PTCHD4: variants seen among roughly 807,000 people sequenced by gnomAD.
PTCHD4 encodes patched domain-containing protein 4.
A neutral mutation model predicts 58.1 loss-of-function variants in PTCHD4; 33 were observed. That is an observed-to-expected ratio of 0.57 (90% CI 0.43 to 0.76). The LOEUF is 0.76. Among genes scored for constraint, PTCHD4 ranks in the 30% least tolerant of loss-of-function variants. The pLI is 0.00. For synonymous variants in PTCHD4, 478 were observed against 409.6 expected (o/e 1.17, Z -2.02); for missense variants, 1,058 against 1,027.1 (o/e 1.03, Z -0.41).
intron 4 of PTCHD4, among the ~76,000 whole-genome samples, chr6:47,977,743 AAAAG>A (rs1767748084): frequency 6.6e-6 from 1 of 152,212 alleles, no homozygotes; most frequent in Non-Finnish European, 1.5e-5. Context: ...TTCTGACAAT[AAAAG>A]AATGACATTT....
intron 3 of PTCHD4, among the ~76,000 whole-genome samples, chr6:48,063,039 T>C (rs1181703594): frequency 6.6e-6 from 1 of 152,202 alleles, no homozygotes; most frequent in Non-Finnish European, 1.5e-5. Context: ...GTCTCCTGAA[T>C]ATTTCTCAAT....
chr6:47,909,003 C>T (rs80226280), intron 4 of PTCHD4, among the ~76,000 whole-genome samples: 7,690 of 152,188 alleles, frequency 0.051, 226 homozygotes, highest in East Asian at 0.078. Flanking sequence ...AATGAAATAT[C>T]TAACTACTTA....
At chr6:48,026,255 C>T (rs1389136735) in intron 3 of PTCHD4, among the ~76,000 whole-genome samples, 1 of 152,162 alleles carries the variant, frequency 6.6e-6, no homozygotes, top group Non-Finnish European at 1.5e-5. Context: ...TCCTGGCTGG[C>T]TGTGAGGTTT....
At chr6:47,922,813 T>C (rs1765478298) in intron 4 of PTCHD4, among the ~76,000 whole-genome samples, 1 of 152,222 alleles carries the variant, frequency 6.6e-6, no homozygotes, top group African/African-American at 2.4e-5. Context: ...AGTATTATTC[T>C]TGTTACTGGT....
intron 4 of PTCHD4, among the ~76,000 whole-genome samples, chr6:48,002,318 A>C (rs1387002528): frequency 6.6e-6 from 1 of 152,120 alleles, no homozygotes; most frequent in East Asian, 1.9e-4. Context: ...ACACATGTTT[A>C]TTGTGGCACT....
intron 4 of PTCHD4, among the ~76,000 whole-genome samples, chr6:47,997,177 G>T (rs560715068): frequency 9.9e-5 from 15 of 152,160 alleles, no homozygotes; most frequent in African/African-American, 3.6e-4. Flanking sequence ...GTGCCTTTCA[G>T]TGATCTCTTT....
chr6:47,909,613 T>C (rs1482310921), intron 4 of PTCHD4, among the ~76,000 whole-genome samples: 1 of 152,098 alleles, frequency 6.6e-6, no homozygotes, highest in Non-Finnish European at 1.5e-5. Flanking sequence ...TTGTTTTTAT[T>C]TTTATTTTTT....
At chr6:47,913,069 A>C (rs1375526472) in intron 4 of PTCHD4, among the ~76,000 whole-genome samples, 1 of 152,090 alleles carries the variant, frequency 6.6e-6, no homozygotes, top group Non-Finnish European at 1.5e-5. Flanking sequence ...TGTATTTGTT[A>C]AAAACTTGAG....
At chr6:47,925,231 T>C (rs192798739) in intron 4 of PTCHD4, among the ~76,000 whole-genome samples, 33 of 151,622 alleles carry the variant, frequency 2.2e-4, no homozygotes, top group South Asian at 2.1e-3. Context: ...TTACTGCTGG[T>C]GGTTGTCTCC....
At chr6:48,103,548 C>T (rs563053156) in intron 1 of PTCHD4, among the ~76,000 whole-genome samples, 1 of 152,286 alleles carries the variant, frequency 6.6e-6, no homozygotes, top group East Asian at 1.9e-4. Flanking sequence ...AGCGCCTCTC[C>T]TCCTCCAAAG....
chr6:47,908,436 T>C (rs146439222), intron 4 of PTCHD4, among the ~76,000 whole-genome samples: 354 of 152,296 alleles, frequency 2.3e-3, no homozygotes, highest in Non-Finnish European at 4.3e-3. Context: ...ATGCATTGAC[T>C]AATGCCTCCA....
chr6:48,077,895 T>C (rs1031434509), intron 1 of PTCHD4, among the ~76,000 whole-genome samples: 3 of 152,162 alleles, frequency 2.0e-5, no homozygotes, highest in Admixed American at 2.0e-4. Context: ...CAAAGACCAC[T>C]GATCACAGAT....
At chr6:47,957,525 AG>A (rs1488440154) in intron 4 of PTCHD4, among the ~76,000 whole-genome samples, 1 of 150,984 alleles carries the variant, frequency 6.6e-6, no homozygotes, top group Non-Finnish European at 1.5e-5. Flanking sequence ...TACTCCCTCC[AG>A]CCCAAGAAAT....
At chr6:48,095,204 T>C (rs145333958) in intron 1 of PTCHD4, among the ~76,000 whole-genome samples, 6 of 152,350 alleles carry the variant, frequency 3.9e-5, no homozygotes, top group African/African-American at 1.4e-4. Flanking sequence ...TTCACATGTA[T>C]ACAGTGTACC....
chr6:47,917,158 CAT>C (rs1765284639), intron 4 of PTCHD4, among the ~76,000 whole-genome samples: 2 of 152,036 alleles, frequency 1.3e-5, no homozygotes, highest in Non-Finnish European at 2.9e-5. Flanking sequence ...GTATCTAAAA[CAT>C]AATTATATTT....
intron 4 of PTCHD4, among the ~76,000 whole-genome samples, chr6:48,001,894 A>G (rs1239196832): frequency 6.6e-6 from 1 of 152,258 alleles, no homozygotes; most frequent in Non-Finnish European, 1.5e-5. Context: ...ATCTACAATG[A>G]ACTCAAACAA....
chr6:48,105,187 A>C (rs1765692677), intron 1 of PTCHD4, among the ~76,000 whole-genome samples: 1 of 152,136 alleles, frequency 6.6e-6, no homozygotes, highest in Non-Finnish European at 1.5e-5. Context: ...TCCAAAATTG[A>C]CCACATAGTT....
Position 48,096,378 on chromosome 6 carries a change from G to A in PTCHD4, c.-970+14671C>T, listed in dbSNP as rs115378879. ...TGTAATCCCAGCATTTTAGGAGGCC[G>A]AGGTTGGCAGATAACCTGAGGTCAG... On this transcript the variant is annotated intron_variant, in intron 1 of 4. Coordinates refer to ENST00000339488, the MANE Select transcript of PTCHD4 (RefSeq NM_001384253.1). 6.5e-3 allele frequency among the ~76,000 whole-genome samples: 984 copies of A among 152,218 alleles called. 15 individuals are homozygous for A. Among genetic ancestry groups the A allele is most frequent in the African/African-American group, 0.022 (923 of 41,514 alleles).
intron 3 of PTCHD4, among the ~76,000 whole-genome samples, chr6:48,020,998 C>T (rs1279998076): frequency 6.6e-6 from 1 of 151,876 alleles, no homozygotes; most frequent in African/African-American, 2.4e-5. Flanking sequence ...ATCAGGATTC[C>T]CTTGTGCCCA....
Sources: allele counts gnomAD v4.1 joint callset (sites outside exome capture counted in the v4.1 genomes callset), GRCh38; gene constraint gnomAD v4.1.1; transcripts MANE v1.5; gene names NCBI Gene and HGNC (gene_info 2026-07-23, HGNC 2026-07-21).